The following SEMA4F variants were observed in gnomAD, a reference collection of about 807,000 sequenced individuals.
SEMA4F encodes semaphorin-4F.
SEMA4F carries 51 observed loss-of-function variants against 78.4 expected under a neutral mutation model. The observed-to-expected ratio is 0.65, with a 90% CI of 0.52 to 0.82. SEMA4F has a LOEUF of 0.82. Among genes scored for constraint, SEMA4F ranks in the 40% least tolerant of loss-of-function variants. The pLI, the probability that SEMA4F is intolerant of heterozygous loss-of-function variation, is 0.00. For synonymous variants in SEMA4F, 418 were observed against 408.7 expected, an observed-to-expected ratio of 1.02 and a Z score of -0.27; for missense variants, 938 against 1,014.4, an observed-to-expected ratio of 0.92 and a Z score of 1.02.
the SEMA4F span, among the ~76,000 whole-genome samples, chr2:74,704,441 G>C: frequency 6.6e-6 from 1 of 151,002 alleles, no homozygotes; most frequent in Non-Finnish European, 1.5e-5. Context: ...CCAGCTACGT[G>C]GCCTTGAGCA....
intron 12 of SEMA4F, 55 bp from the exon 13 acceptor site, chr2:74,679,220 AG>A: frequency 8.0e-7 from 1 of 1,257,792 alleles, no homozygotes; most frequent in Non-Finnish European, 1.2e-6. Flanking sequence ...AGTAATACTG[AG>A]GGGGGTTGAA....
the SEMA4F span, among the ~76,000 whole-genome samples, chr2:74,703,139 A>G: frequency 1.3e-5 from 2 of 151,734 alleles, no homozygotes; most frequent in Non-Finnish European, 2.9e-5. Context: ...AACAAAATAA[A>G]TAATACTACG....
chr2:74,699,124 G>A, the SEMA4F span, among the ~76,000 whole-genome samples: 1 of 152,136 alleles, frequency 6.6e-6, no homozygotes, highest in Non-Finnish European at 1.5e-5. Flanking sequence ...CTTATTGAGG[G>A]AGTTTAAAGC....
At position 74,675,509 on chromosome 2, in the gene SEMA4F, C is replaced by T. The variant is rs748006441; in HGVS notation, c.1373-16C>T. 15 of 1,611,380 alleles carry T rather than the reference C, an allele frequency of 9.3e-6. No individual in the cohort carries two copies. The East Asian group carries it at 2.0e-4, about 22-fold the overall frequency. Reference sequence around the variant, plus strand: ...GGCAATTATGTAATTATTCTTGTTCCTTTCCTGTCCCCTAGAGGATGGACA... The same window carrying T: ...GGCAATTATGTAATTATTCTTGTTCTTTTCCTGTCCCCTAGAGGATGGACA... On this transcript the variant is annotated splice_polypyrimidine_tract_variant and intron_variant, in intron 10 of 13. Coordinates refer to ENST00000357877, the MANE Select transcript of SEMA4F (RefSeq NM_004263.5).
rs188990698 is a variant in SEMA4F at position 74,668,671 on chromosome 2, C to T, written c.551-4786C>T. ...TGTCGCCCAGGCTGGAGTGCAGTGG[C>T]GTGATCTTGGCTCACTGCAACCTCC... On this transcript the variant is annotated intron_variant, in intron 5 of 13. Transcript: ENST00000357877. Among the ~76,000 whole-genome samples, 688 of 149,292 alleles carry T rather than the reference C, an allele frequency of 4.6e-3. 6 individuals are homozygous for T. The highest frequency in any genetic ancestry group is 0.016 in the African/African-American group (659 of 40,548).
chr2:74,706,578 T>C, the SEMA4F span, among the ~76,000 whole-genome samples: 1 of 152,130 alleles, frequency 6.6e-6, no homozygotes, highest in African/African-American at 2.4e-5. Context: ...AGAATGTGGG[T>C]GCAGTGGCAA....
Position 74,656,549 on chromosome 2 carries a change from T to C in SEMA4F, c.161T>C (p.Leu54Pro). Residue 54 changes from leucine (L) to proline (P), a missense_variant, in exon 2 of 14, where the codon CTC becomes CCC. Leu to Pro is a moderately conservative substitution (Grantham distance 98, BLOSUM62 -3). Coordinates refer to ENST00000357877, the MANE Select transcript of SEMA4F (RefSeq NM_004263.5). ...TTCCTGCCAGAGGCTGACTCCTGTC[T>C]CACCCGGTTCGCAGTCCCTCACACA... Reference protein sequence around the residue: ...SLPISEADSCLTRFAVPHTYN... With the variant: ...SLPISEADSCPTRFAVPHTYN... The C allele has an allele frequency of 6.2e-7, 1 of 1,614,044 alleles. No homozygotes were observed. Among genetic ancestry groups the C allele is most frequent in the Non-Finnish European group, 8.5e-7 (1 of 1,179,914 alleles).
intron 5 of SEMA4F, among the ~76,000 whole-genome samples, chr2:74,663,507 G>T (rs1209831804): frequency 6.6e-6 from 1 of 152,202 alleles, no homozygotes. Context: ...AAGAAAAGAA[G>T]TTTATTTGGC....
At chr2:74,704,103 CAA>C in the SEMA4F span, among the ~76,000 whole-genome samples, 1 of 151,944 alleles carries the variant, frequency 6.6e-6, no homozygotes, top group South Asian at 2.1e-4. Context: ...GTCAAATCTC[CAA>C]AGAGTCAAGT....
chr2:74,702,978 T>C, the SEMA4F span, among the ~76,000 whole-genome samples: 2 of 152,336 alleles, frequency 1.3e-5, no homozygotes, highest in Non-Finnish European at 2.9e-5. Context: ...TCTTTCTGAA[T>C]TAATCCTTTA....
rs141392426 is a variant in SEMA4F, at chr2:74,665,910, T to G, written c.550+3085T>G. ...TTCAAGCAGTAATTTTTGTTTTTTT[T>G]TTTTTTTGTTTTTTTGAGACGGAGT... On this transcript the variant is annotated intron_variant, in intron 5 of 13. Coordinates refer to ENST00000357877, the MANE Select transcript of SEMA4F (RefSeq NM_004263.5). Among the ~76,000 whole-genome samples the G allele has an allele frequency of 3.3e-3, 507 of 151,786 alleles. 2 individuals are homozygous for G. Among genetic ancestry groups the G allele is most frequent in the African/African-American group, 0.012 (489 of 41,426 alleles).
intron 1 of SEMA4F, 41 bp downstream of exon 1, chr2:74,654,562 C>T (rs1212680158): frequency 6.9e-7 from 1 of 1,449,226 alleles, no homozygotes; most frequent in Non-Finnish European, 9.2e-7. Flanking sequence ...TTCGCGCCCA[C>T]ACCCACACCC....
At chr2:74,686,942 T>C (rs1193405433), downstream of SEMA4F, among the ~76,000 whole-genome samples, 1 of 151,862 alleles carries the variant, frequency 6.6e-6, no homozygotes, top group African/African-American at 2.4e-5. Context: ...GATGAGTTGA[T>C]GGGTGCAGCA....
chr2:74,669,221 T>A (rs1000119499), intron 5 of SEMA4F, among the ~76,000 whole-genome samples: 1 of 152,016 alleles, frequency 6.6e-6, no homozygotes. Context: ...GGTGGGAGAA[T>A]TGCTTGAGCC....
downstream of SEMA4F, among the ~76,000 whole-genome samples, chr2:74,684,794 T>G (rs1165317754): frequency 6.6e-6 from 1 of 152,146 alleles, no homozygotes; most frequent in African/African-American, 2.4e-5. Flanking sequence ...CGGAATCCTG[T>G]CTCTCAAAAA....
intron 7 of SEMA4F, 29 bp downstream of exon 7, chr2:74,673,857 T>G: frequency 6.2e-7 from 1 of 1,603,504 alleles, no homozygotes; most frequent in Non-Finnish European, 8.5e-7. Context: ...TGTCTGTCTG[T>G]CATCTCCTGC....
In SEMA4F at chr2:74,675,785, C is replaced by G; in HGVS notation, c.1519C>G (p.Gln507Glu). 6.2e-7 allele frequency: 1 copy of G among 1,614,218 alleles called. No individual in the cohort carries two copies. Among genetic ancestry groups the G allele is most frequent in the East Asian group, 2.2e-5 (1 of 44,880 alleles). Residue 507 changes from glutamine to glutamate, a missense_variant, in exon 12 of 14, where the codon CAA (glutamine) becomes GAA (glutamate). By Grantham distance (29) the Gln-to-Glu change is conservative. Coordinates refer to ENST00000357877, the MANE Select transcript of SEMA4F (RefSeq NM_004263.5). ...GGTTGGCTCCCGTACTGAGGTGACA[C>G]AAGTGAATACAACCAACTGTGGCCG... is the stretch of plus-strand genomic sequence containing the variant. ...LLVGSRTEVT[Q>E]VNTTNCGRLQ...
the SEMA4F span, among the ~76,000 whole-genome samples, chr2:74,689,275 A>G: frequency 1.3e-5 from 2 of 152,210 alleles, no homozygotes; most frequent in Non-Finnish European, 2.9e-5. Flanking sequence ...CAAATTTTAC[A>G]TAATAAAACA....
chr2:74,675,217 A>G lies in SEMA4F; in HGVS notation c.1205A>G (p.Asp402Gly). The G allele has an allele frequency of 6.2e-7, 1 of 1,614,042 alleles. No homozygotes were observed. Among genetic ancestry groups the G allele is most frequent in the South Asian group, 1.1e-5 (1 of 91,080 alleles). ...TTTGGCTCATCTCTCTCCCTGCCTG[A>G]CCGCGTACTCACCTTCATCCGGGAC... is the stretch of plus-strand genomic sequence containing the variant. ...RHFGSSLSLP[D>G]RVLTFIRDHP... The change falls in exon 10 of 14, where the codon GAC becomes GGC. Residue 402 changes from aspartate to glycine, a missense_variant. Coordinates refer to ENST00000357877, the MANE Select transcript of SEMA4F (RefSeq NM_004263.5).
Sources: gnomAD v4.1 joint callset for allele counts (sites outside exome capture counted in the v4.1 genomes callset) on GRCh38, gnomAD v4.1.1 for gene constraint, MANE v1.5 for transcripts, NCBI Gene and HGNC (gene_info 2026-07-23, HGNC 2026-07-21) for gene names.